DDAH1: variants seen among roughly 807,000 people sequenced by gnomAD.
DDAH1 encodes the protein N(G),N(G)-dimethylarginine dimethylaminohydrolase 1.
A neutral mutation model predicts 28.8 loss-of-function variants in DDAH1; 19 were observed. That is an observed-to-expected ratio of 0.66 (90% CI 0.46 to 0.97). The LOEUF (loss-of-function observed/expected upper bound fraction) is 0.97. Ranked by LOEUF, DDAH1 falls within the 50% of genes least tolerant of loss-of-function variation. The pLI is 0.00. For missense variants in DDAH1, 326 were observed against 375.9 expected, an observed-to-expected ratio of 0.87 and a Z score of 1.10; for synonymous variants, 153 against 154.4, an observed-to-expected ratio of 0.99 and a Z score of 0.07.
chr1:85,506,540 G>A (rs1306364731), intron 1 of DDAH1, among the ~76,000 whole-genome samples: 1 of 152,118 alleles, frequency 6.6e-6, no homozygotes, highest in Non-Finnish European at 1.5e-5. Flanking sequence ...TTCAGACAGG[G>A]CTCCTGATCC....
intron 1 of DDAH1, among the ~76,000 whole-genome samples, chr1:85,403,192 T>C (rs1263763381): frequency 7.2e-6 from 1 of 139,648 alleles, no homozygotes; most frequent in African/African-American, 2.5e-5. Flanking sequence ...TATACCTATA[T>C]ATATATGAAT....
chr1:85,552,465 T>C (rs1658824497), intron 1 of DDAH1, among the ~76,000 whole-genome samples: 1 of 152,172 alleles, frequency 6.6e-6, no homozygotes, highest in African/African-American at 2.4e-5. Context: ...CATGCCTTTC[T>C]CCCCTATTCT....
intron 2 of DDAH1, among the ~76,000 whole-genome samples, chr1:85,473,492 C>A (rs1233714020): frequency 6.6e-6 from 1 of 152,032 alleles, no homozygotes; most frequent in Non-Finnish European, 1.5e-5. Flanking sequence ...TGTGTACACA[C>A]ACACACACGC....
intron 1 of DDAH1, among the ~76,000 whole-genome samples, chr1:85,441,864 C>T (rs937701409): frequency 2.6e-5 from 4 of 152,048 alleles, no homozygotes; most frequent in African/African-American, 9.7e-5. Context: ...TCAGAAATTC[C>T]GAAAGAATAG....
At chr1:85,483,104 C>T (rs1656067443) in intron 2 of DDAH1, among the ~76,000 whole-genome samples, 1 of 143,082 alleles carries the variant, frequency 7.0e-6, no homozygotes, top group Non-Finnish European at 1.6e-5. Context: ...GTCCCAGCTA[C>T]TCGGAAGGCT....
intron 1 of DDAH1, among the ~76,000 whole-genome samples, chr1:85,563,608 C>A (rs927739858): frequency 5.3e-5 from 8 of 152,056 alleles, no homozygotes; most frequent in South Asian, 2.1e-4. Flanking sequence ...TAGCACCCGA[C>A]AAGGTAGAAT....
intron 5 of DDAH1, 100 bp from the exon 6 acceptor site, chr1:85,321,668 C>A: frequency 1.1e-6 from 1 of 909,092 alleles, no homozygotes; most frequent in South Asian, 1.4e-5. Flanking sequence ...GCTTTTCATT[C>A]ATTTAATCCC....
intron 1 of DDAH1, among the ~76,000 whole-genome samples, chr1:85,500,122 CTTT>C (rs1411548915): frequency 4.4e-4 from 7 of 15,864 alleles, no homozygotes; most frequent in Non-Finnish European, 1.3e-3. Context: ...TCTTTTCTTT[CTTT>C]CTTTCTTTCT....
chr1:85,536,594 AAAAC>A (rs1167998668), intron 1 of DDAH1, among the ~76,000 whole-genome samples: 6 of 151,902 alleles, frequency 3.9e-5, no homozygotes, highest in African/African-American at 1.5e-4. Flanking sequence ...AATGAACAAA[AAAAC>A]ACACACACAA....
chr1:85,436,636 A>C (rs1451854285), intron 1 of DDAH1, among the ~76,000 whole-genome samples: 3 of 152,170 alleles, frequency 2.0e-5, no homozygotes, highest in Admixed American at 6.5e-5. Context: ...TGCTCAGCTT[A>C]TCTCTGGGCT....
At chr1:85,528,404 A>G (rs1166894760) in intron 1 of DDAH1, among the ~76,000 whole-genome samples, 6 of 152,116 alleles carry the variant, frequency 3.9e-5, no homozygotes, top group Non-Finnish European at 7.3e-5. Flanking sequence ...AAAATTTCAT[A>G]ATTGTATTAA....
intron 1 of DDAH1, among the ~76,000 whole-genome samples, chr1:85,374,641 A>T (rs966163840): frequency 2.0e-5 from 3 of 152,142 alleles, no homozygotes; most frequent in Non-Finnish European, 2.9e-5. Flanking sequence ...CATAGATAAC[A>T]CTTACTGTTA....
intron 2 of DDAH1, among the ~76,000 whole-genome samples, chr1:85,479,457 G>T (rs1292048527): frequency 6.6e-6 from 1 of 152,126 alleles, no homozygotes; most frequent in South Asian, 2.1e-4. Context: ...ACAGGCGTGA[G>T]CCACCGCGCC....
At chr1:85,512,016 T>C (rs1236187109) in intron 1 of DDAH1, among the ~76,000 whole-genome samples, 1 of 152,204 alleles carries the variant, frequency 6.6e-6, no homozygotes, top group African/African-American at 2.4e-5. Flanking sequence ...AGCATCATCC[T>C]GATACCAAAG....
Position 85,464,589 on chromosome 1 carries a change from G to GACACACACACACAC in DDAH1, c.303+140_303+153dup. On this transcript the variant is annotated intron_variant, in intron 1 of 5. Transcript: ENST00000284031. This position sits in a 1 kb window ranked among gnomAD's most constrained non-coding sequence, Gnocchi z 4.4. ...ACAATGAACTTCTCTCTGACTCTCT[G>GACACACACACACAC]ACACACACACACACACACACACTCG... 2.2e-6 allele frequency: 3 copies of GACACACACACACAC among 1,375,328 alleles called. No homozygotes were observed. Among genetic ancestry groups the GACACACACACACAC allele is most frequent in the East Asian group, 5.3e-5 (2 of 37,626 alleles). The allele number at this position is 1,375,328 out of a possible 1,614,324, so 85.2% of individuals were successfully genotyped here. A position where few individuals can be genotyped will look rare whatever the true frequency, so the allele number is the denominator to read the frequency against.
At chr1:85,356,237 GCTGT>G (rs1389455510) in intron 2 of DDAH1, among the ~76,000 whole-genome samples, 1 of 152,184 alleles carries the variant, frequency 6.6e-6, no homozygotes, top group African/African-American at 2.4e-5. Context: ...GAGGTAAGTT[GCTGT>G]CTATTTAAGA....
At chr1:85,453,023 GAT>G (rs900882968) in intron 1 of DDAH1, among the ~76,000 whole-genome samples, 1 of 152,168 alleles carries the variant, frequency 6.6e-6, no homozygotes, top group African/African-American at 2.4e-5. Flanking sequence ...CAGACCAAGT[GAT>G]AGTAGCTGTT....
chr1:85,357,625 A>G (rs1283300076), intron 2 of DDAH1, among the ~76,000 whole-genome samples: 1 of 152,244 alleles, frequency 6.6e-6, no homozygotes, highest in Non-Finnish European at 1.5e-5. Flanking sequence ...TCACGCTTTC[A>G]GTGGGCCACT....
chr1:85,464,709 G>T lies in DDAH1; in HGVS notation c.303+34C>A. ...CCGGCGGCGGGGGAGGGCCTGGCGC[G>T]CGCCCCGGCCGCGCCCCTCGAGTCG... is the stretch of plus-strand genomic sequence containing the variant. On this transcript the variant is annotated intron_variant, in intron 1 of 5. Coordinates refer to ENST00000284031, the MANE Select transcript of DDAH1 (RefSeq NM_012137.4). The surrounding 1 kb of genome is among the most constrained non-coding windows in gnomAD (Gnocchi z 4.4). 7.0e-7 allele frequency: 1 copy of T among 1,436,690 alleles called. No individual in the cohort carries two copies. Among genetic ancestry groups the T allele is most frequent in the Non-Finnish European group, 9.1e-7 (1 of 1,102,226 alleles). 89.0% of individuals were successfully genotyped at this position (1,436,690 alleles called of 1,614,324 possible).
Sources: allele counts gnomAD v4.1 joint callset (sites outside exome capture counted in the v4.1 genomes callset), GRCh38; gene constraint gnomAD v4.1.1; non-coding constraint Gnocchi (gnomAD v3.1); transcripts MANE v1.5; gene names NCBI Gene and HGNC (gene_info 2026-07-23, HGNC 2026-07-21).